Variants in UNC13B observed in about 807,000 individuals in gnomAD.
UNC13B encodes the protein protein unc-13 homolog B.
A neutral mutation model predicts 211.0 loss-of-function variants in UNC13B; 144 were observed. That is an observed-to-expected ratio of 0.68 (90% CI 0.60 to 0.78). The LOEUF is 0.78. UNC13B is among the 30% of genes least tolerant of loss of function. The pLI is 0.00. For missense variants in UNC13B, 1,777 were observed against 2,002.0 expected, an observed-to-expected ratio of 0.89 and a Z score of 2.14; for synonymous variants, 709 against 725.8, an observed-to-expected ratio of 0.98 and a Z score of 0.37.
intron 1 of UNC13B, among the ~76,000 whole-genome samples, chr9:35,199,426 C>A (rs111855744): frequency 3.9e-5 from 6 of 152,286 alleles, no homozygotes; most frequent in African/African-American, 1.4e-4. Flanking sequence ...ACACTGTCTT[C>A]CACAATGGTT....
At position 35,244,441 on chromosome 9, in the gene UNC13B, A is replaced by C. The variant is rs529409346; in HGVS notation, c.468+1077A>C. Reference sequence around the variant, plus strand: ...TACCACAAACTAGGTGGCTTACAGCAACCAAAATTTGTTTTCACACAGTTC... The same window carrying C: ...TACCACAAACTAGGTGGCTTACAGCCACCAAAATTTGTTTTCACACAGTTC... On this transcript the variant is annotated intron_variant, in intron 6 of 39. Transcript: ENST00000635942. Among the ~76,000 whole-genome samples the C allele has an allele frequency of 2.0e-5, 3 of 152,318 alleles. No individual in the cohort carries two copies. The South Asian group carries it at 6.2e-4, about 32-fold the overall frequency.
Position 35,305,776 on chromosome 9 carries a change from C to G in UNC13B, c.6372C>G (p.Thr2124=), listed in dbSNP as rs1156445424. ...AAAGTAATGAAATATCCTTTGATAC[C>G]CTGAGCAAGAGAAATTCAAATGAAC... The part of the protein sequence containing the change: ...VSKSNEISFD[T]LSKRNSNEQD... The change falls in exon 9 of 40, where the codon ACC becomes ACG. Residue 2124 remains threonine, a synonymous_variant. Transcript: ENST00000635942. 2.5e-5 allele frequency: 10 copies of G among 398,850 alleles called. No homozygotes were observed. The highest frequency in any genetic ancestry group is 4.4e-5 in the Non-Finnish European group (10 of 226,024). The allele number at this position is 398,850 out of a possible 1,614,324, so 24.7% of individuals were successfully genotyped here.
rs1829804232 is a variant in UNC13B at position 35,303,928 on chromosome 9, G to A, written c.4524G>A (p.Glu1508=). 2.5e-6 allele frequency: 1 copy of A among 398,674 alleles called. No individual in the cohort carries two copies. The highest frequency in any genetic ancestry group is 2.1e-5 in the African/African-American group (1 of 48,614). 24.7% of individuals were successfully genotyped at this position (398,674 alleles called of 1,614,324 possible). The change falls in exon 9 of 40, where the codon GAG becomes GAA. Residue 1508 remains glutamate, a synonymous_variant. Transcript: ENST00000635942. ...ENFVFSSFGY[E]YQEWLSCLEH... ...TTGTTTTTTCAAGTTTTGGTTATGA[G>A]TACCAGGAATGGTTGTCATGTCTTG...
intron 7 of UNC13B, among the ~76,000 whole-genome samples, chr9:35,271,110 G>C (rs112269274): frequency 0.012 from 1,713 of 137,836 alleles, 21 homozygotes; most frequent in African/African-American, 0.035. Flanking sequence ...CTGCACTCCA[G>C]CCTGGATGAC....
intron 7 of UNC13B, among the ~76,000 whole-genome samples, chr9:35,285,933 T>TA (rs1292637182): frequency 6.6e-6 from 1 of 152,160 alleles, no homozygotes; most frequent in Admixed American, 6.5e-5. Context: ...GATTTCAAAG[T>TA]ATTGGGAGTT....
At chr9:35,234,374 C>G (rs1327834495) in intron 3 of UNC13B, among the ~76,000 whole-genome samples, 1 of 152,196 alleles carries the variant, frequency 6.6e-6, no homozygotes, top group Admixed American at 6.5e-5. Flanking sequence ...CCCACCTCAG[C>G]CTCCCAACAT....
chr9:35,167,675 C>T (rs780885681), intron 1 of UNC13B, among the ~76,000 whole-genome samples: 3 of 147,332 alleles, frequency 2.0e-5, no homozygotes, highest in Non-Finnish European at 4.5e-5. Context: ...GCAACCTCTG[C>T]CTCCTGGGTT....
chr9:35,271,511 C>T (rs1827878641), intron 7 of UNC13B, among the ~76,000 whole-genome samples: 1 of 152,158 alleles, frequency 6.6e-6, no homozygotes, highest in Non-Finnish European at 1.5e-5. Context: ...ATAATATAAA[C>T]ATTTAGCCAC....
chr9:35,243,285 T>A lies in UNC13B; in HGVS notation c.395-6T>A. 1 of 1,612,820 alleles carries A rather than the reference T, an allele frequency of 6.2e-7. No homozygotes were observed. Among genetic ancestry groups the A allele is most frequent in the Non-Finnish European group, 8.5e-7 (1 of 1,179,120 alleles). ...TCTTTTCTTTTTCTTCTTTTTTTTATGGTAGATATCCCAGAGGAGGAAGCC... is the reference window on the plus strand; with the variant it reads ...TCTTTTCTTTTTCTTCTTTTTTTTAAGGTAGATATCCCAGAGGAGGAAGCC... On this transcript the variant is annotated splice_region_variant and splice_polypyrimidine_tract_variant and intron_variant, in intron 5 of 39. Transcript: ENST00000635942.
intron 11 of UNC13B, among the ~76,000 whole-genome samples, chr9:35,335,774 C>T (rs562766907): frequency 1.1e-4 from 16 of 151,680 alleles, no homozygotes; most frequent in African/African-American, 3.6e-4. Context: ...ACTGTAACCT[C>T]GAACTCCTGG....
intron 1 of UNC13B, among the ~76,000 whole-genome samples, chr9:35,199,438 A>C (rs1221328240): frequency 6.6e-6 from 1 of 152,156 alleles, no homozygotes; most frequent in Non-Finnish European, 1.5e-5. Context: ...ACAATGGTTG[A>C]ACTAGTTTAC....
chr9:35,348,310 G>A (rs1178702280), intron 11 of UNC13B, among the ~76,000 whole-genome samples: 1 of 152,208 alleles, frequency 6.6e-6, no homozygotes, highest in Non-Finnish European at 1.5e-5. Flanking sequence ...GAAAAATAAA[G>A]CTTGGCTTCT....
rs1831569761 is a variant in UNC13B at position 35,334,946 on chromosome 9, G to A, written c.9414+20957G>A. On this transcript the variant is annotated intron_variant, in intron 11 of 39. Transcript: ENST00000635942. ...CCAGCTACTCAGGAGGCTGAGAGAG[G>A]AGAATCACTTGAACCCGGGAGGTGG... Among the ~76,000 whole-genome samples, 5 of 152,186 alleles carry A rather than the reference G, an allele frequency of 3.3e-5. No homozygotes were observed. In the South Asian group the frequency reaches 1.0e-3, roughly 32 times the overall value.
chr9:35,254,368 A>G (rs1826690002), intron 6 of UNC13B, among the ~76,000 whole-genome samples: 1 of 152,144 alleles, frequency 6.6e-6, no homozygotes, highest in Non-Finnish European at 1.5e-5. Flanking sequence ...TGGTTCATAG[A>G]CAGCACCCTG....
chr9:35,176,215 G>A (rs764936788), intron 1 of UNC13B, among the ~76,000 whole-genome samples: 7 of 151,968 alleles, frequency 4.6e-5, no homozygotes, highest in Non-Finnish European at 1.0e-4. Flanking sequence ...GATTTAGAGA[G>A]CTTGAGGAGA....
Position 35,252,537 on chromosome 9 carries a change from C to A in UNC13B, c.469-6456C>A, listed in dbSNP as rs375849822. Among the ~76,000 whole-genome samples, 33 of 151,516 alleles carry A rather than the reference C, an allele frequency of 2.2e-4. No homozygotes were observed. The East Asian group carries it at 5.9e-3, about 27-fold the overall frequency. On this transcript the variant is annotated intron_variant, in intron 6 of 39. Transcript: ENST00000635942. ...GCCCAGGCTGGTCTCAAACTCCTGGCCTCAAGTGATCTGCCCACCTCGGCC... is the reference window on the plus strand; with the variant it reads ...GCCCAGGCTGGTCTCAAACTCCTGGACTCAAGTGATCTGCCCACCTCGGCC...
intron 1 of UNC13B, among the ~76,000 whole-genome samples, chr9:35,218,553 T>A (rs1194034801): frequency 2.6e-5 from 4 of 151,518 alleles, no homozygotes; most frequent in African/African-American, 9.7e-5. Flanking sequence ...ATTATTATTA[T>A]TTTTAATTAA....
At chr9:35,379,559 C>T (rs986098118) in intron 17 of UNC13B, among the ~76,000 whole-genome samples, 1 of 152,116 alleles carries the variant, frequency 6.6e-6, no homozygotes, top group Non-Finnish European at 1.5e-5. Context: ...CTGAATAGTT[C>T]CTGCTTGAAT....
intron 13 of UNC13B, among the ~76,000 whole-genome samples, chr9:35,371,088 C>T (rs1225748813): frequency 1.3e-5 from 2 of 152,118 alleles, no homozygotes; most frequent in Non-Finnish European, 2.9e-5. Context: ...AGCTAGAAAT[C>T]GGGTGTAAGG....
Sources: gnomAD v4.1 joint callset for allele counts (sites outside exome capture counted in the v4.1 genomes callset) on GRCh38, gnomAD v4.1.1 for gene constraint, MANE v1.5 for transcripts, NCBI Gene and HGNC (gene_info 2026-07-23, HGNC 2026-07-21) for gene names.